CBLN2: variants seen among roughly 807,000 people sequenced by gnomAD.
CBLN2 encodes the protein cerebellin 2 precursor, also known as cerebellin-2.
Under a neutral mutation model 15.0 loss-of-function variants are expected in CBLN2, and 7 were observed. The observed-to-expected ratio is 0.47, with a 90% CI of 0.27 to 0.88. CBLN2 has a LOEUF of 0.88. CBLN2 is among the 40% of genes least tolerant of loss of function. The pLI is 0.14. For missense variants in CBLN2, 242 were observed against 304.5 expected, an observed-to-expected ratio of 0.79 and a Z score of 1.53; for synonymous variants, 149 against 135.2, an observed-to-expected ratio of 1.10 and a Z score of -0.71.
In CBLN2 at chr18:72,538,783, A is replaced by T; in HGVS notation, c.358-11T>A. ...AATATTTACTAATACCTGAAAAAGA[A>T]GAGGGAACACAGCACACAATGGCAA... On this transcript the variant is annotated splice_polypyrimidine_tract_variant and intron_variant, in intron 3 of 4. Coordinates refer to ENST00000269503, the MANE Select transcript of CBLN2 (RefSeq NM_182511.4). 6.2e-7 allele frequency: 1 copy of T among 1,613,048 alleles called. No individual in the cohort carries two copies. Among genetic ancestry groups the T allele is most frequent in the Non-Finnish European group, 8.5e-7 (1 of 1,179,806 alleles).
intron 3 of CBLN2, 44 bp downstream of exon 3, chr18:72,541,760 C>T (rs1239956886): frequency 1.4e-6 from 2 of 1,479,886 alleles, no homozygotes; most frequent in Non-Finnish European, 9.0e-7. Context: ...GGTCCCCGCC[C>T]CTCTCCCCGG....
upstream of CBLN2, among the ~76,000 whole-genome samples, chr18:72,548,832 G>A (rs191387958): frequency 1.3e-5 from 2 of 152,166 alleles, no homozygotes; most frequent in African/African-American, 4.8e-5. Context: ...CCCAGGCTGC[G>A]AAGATATGTA....
chr18:72,540,998 A>C (rs1336377999), intron 3 of CBLN2, among the ~76,000 whole-genome samples: 2 of 152,220 alleles, frequency 1.3e-5, no homozygotes, highest in Non-Finnish European at 2.9e-5. Context: ...GCAGGACACA[A>C]AAAGAAGGTC....
intron 1 of CBLN2, among the ~76,000 whole-genome samples, chr18:72,602,974 T>C (rs77432861): frequency 0.012 from 1,773 of 152,338 alleles, 38 homozygotes; most frequent in African/African-American, 0.04. Context: ...TGGAGGCAAA[T>C]AGAACACCAT....
At chr18:72,568,411 T>A (rs986718383) in intron 1 of CBLN2, among the ~76,000 whole-genome samples, 1 of 152,172 alleles carries the variant, frequency 6.6e-6, no homozygotes, top group Non-Finnish European at 1.5e-5. Context: ...TGCTGTGACT[T>A]CATGTCAGTA....
chr18:72,554,669 A>G (rs892847310), intron 1 of CBLN2, among the ~76,000 whole-genome samples: 2 of 152,106 alleles, frequency 1.3e-5, no homozygotes, highest in African/African-American at 4.8e-5. Context: ...GAAAAAAAAA[A>G]CTAAAAACTC....
intron 1 of CBLN2, among the ~76,000 whole-genome samples, chr18:72,601,095 G>A (rs1459924989): frequency 6.6e-6 from 1 of 152,132 alleles, no homozygotes; most frequent in African/African-American, 2.4e-5. Context: ...TAGAATTCTG[G>A]CCCTTCTCAT....
chr18:72,614,958 G>A (rs771697904), intron 1 of CBLN2, among the ~76,000 whole-genome samples: 8 of 147,494 alleles, frequency 5.4e-5, no homozygotes, highest in Non-Finnish European at 1.0e-4. Context: ...ATGTCTATTG[G>A]CCTGAGCTTG....
chr18:72,558,742 T>C (rs548335678), intron 1 of CBLN2, among the ~76,000 whole-genome samples: 2 of 152,308 alleles, frequency 1.3e-5, no homozygotes, highest in South Asian at 4.1e-4. Context: ...TTCTATTGTA[T>C]AAGCATATGA....
chr18:72,548,361 A>G (rs992003564), upstream of CBLN2, among the ~76,000 whole-genome samples: 2 of 152,212 alleles, frequency 1.3e-5, no homozygotes, highest in Non-Finnish European at 2.9e-5. Context: ...AGCACTAACT[A>G]GTTATTTTAT....
At chr18:72,566,136 G>A (rs1430080950) in intron 1 of CBLN2, among the ~76,000 whole-genome samples, 3 of 152,108 alleles carry the variant, frequency 2.0e-5, no homozygotes, top group Non-Finnish European at 4.4e-5. Flanking sequence ...ATGTCTGTTA[G>A]AACAGCTAAA....
intron 1 of CBLN2, among the ~76,000 whole-genome samples, chr18:72,579,472 C>T (rs1278663164): frequency 6.6e-6 from 1 of 152,150 alleles, no homozygotes; most frequent in Admixed American, 6.5e-5. Flanking sequence ...TAATACCACG[C>T]CTGTAATCCC....
At chr18:72,615,160 T>A (rs1266266157) in intron 1 of CBLN2, among the ~76,000 whole-genome samples, 3 of 131,892 alleles carry the variant, frequency 2.3e-5, no homozygotes, top group Non-Finnish European at 4.8e-5. Context: ...ATATAGAAAA[T>A]ATATATAAAT....
intron 1 of CBLN2, among the ~76,000 whole-genome samples, chr18:72,567,624 C>T (rs558307284): frequency 6.6e-6 from 1 of 152,224 alleles, no homozygotes; most frequent in East Asian, 1.9e-4. Context: ...ATTTCATATT[C>T]TTATGCATTA....
At chr18:72,618,960 T>C (rs375194212) in intron 1 of CBLN2, 18 of 749,632 alleles carry the variant, frequency 2.4e-5, no homozygotes, top group African/African-American at 1.5e-4. Flanking sequence ...GTGGCAGCCA[T>C]GGTGATGGTG....
At chr18:72,572,245 A>T (rs181212957) in intron 1 of CBLN2, among the ~76,000 whole-genome samples, 3 of 151,478 alleles carry the variant, frequency 2.0e-5, no homozygotes, top group African/African-American at 7.3e-5. Flanking sequence ...AGGATCCATT[A>T]TCTGGCAGAA....
chr18:72,631,573 C>G (rs2069776964), intron 1 of CBLN2, among the ~76,000 whole-genome samples: 1 of 152,110 alleles, frequency 6.6e-6, no homozygotes, highest in African/African-American at 2.4e-5. Context: ...TCCCACACAT[C>G]AGTATTTCTA....
chr18:72,558,599 C>T (rs755918143), intron 1 of CBLN2, among the ~76,000 whole-genome samples: 19 of 152,278 alleles, frequency 1.2e-4, no homozygotes, highest in Middle Eastern at 3.4e-3. Context: ...TTACTTCACT[C>T]CCCATAAATT....
intron 1 of CBLN2, among the ~76,000 whole-genome samples, chr18:72,597,125 T>C (rs967652934): frequency 5.3e-5 from 8 of 152,200 alleles, no homozygotes; most frequent in African/African-American, 1.9e-4. Context: ...GAGTTAGGTA[T>C]TTATTGTAGT....
Sources: allele counts gnomAD v4.1 joint callset (sites outside exome capture counted in the v4.1 genomes callset), GRCh38; gene constraint gnomAD v4.1.1; transcripts MANE v1.5; gene names NCBI Gene and HGNC (gene_info 2026-07-23, HGNC 2026-07-21).